Variants in RAVER2 observed in about 807,000 individuals in gnomAD.
RAVER2 encodes the protein ribonucleoprotein, PTB binding 2.
RAVER2 carries 46 observed loss-of-function variants against 78.1 expected under a neutral mutation model. The observed-to-expected ratio is 0.59, with a 90% confidence interval of 0.46 to 0.75. The LOEUF is 0.75. Among genes scored for constraint, RAVER2 ranks in the 30% least tolerant of loss-of-function variants. The pLI is 0.00. For synonymous variants in RAVER2, 311 were observed against 313.3 expected, an observed-to-expected ratio of 0.99 and a Z score of 0.08; for missense variants, 793 against 837.5, an observed-to-expected ratio of 0.95 and a Z score of 0.66.
intron 1 of RAVER2, among the ~76,000 whole-genome samples, chr1:64,765,624 G>A (rs896400549): frequency 6.6e-6 from 1 of 152,198 alleles, no homozygotes; most frequent in African/African-American, 2.4e-5. Context: ...GGAGGAAGGT[G>A]GAGGAATGGG....
chr1:64,829,779 G>A (rs1461690775), intron 11 of RAVER2, among the ~76,000 whole-genome samples: 1 of 152,182 alleles, frequency 6.6e-6, no homozygotes, highest in Non-Finnish European at 1.5e-5. Flanking sequence ...GCTTCACTCT[G>A]TGAAACATTC....
chr1:64,789,002 C>T (rs1030837598), intron 4 of RAVER2, among the ~76,000 whole-genome samples: 1 of 152,094 alleles, frequency 6.6e-6, no homozygotes, highest in African/African-American at 2.4e-5. Context: ...AGGCACTTTG[C>T]CTGGCCAATT....
Position 64,763,917 on chromosome 1 carries a change from T to TACACACACACACACACACAC in RAVER2, c.250-4720_250-4701dup, listed in dbSNP as rs58298918. 7.9e-4 allele frequency among the ~76,000 whole-genome samples: 106 copies of TACACACACACACACACACAC among 133,812 alleles called. 1 individual carries two copies. The East Asian group carries it at 9.1e-3, about 12-fold the overall frequency. 87.8% of individuals were successfully genotyped at this position (133,812 alleles called of 152,430 possible). On this transcript the variant is annotated intron_variant, in intron 1 of 11. Coordinates refer to ENST00000294428, the Ensembl canonical transcript of RAVER2. ...AAACTCCATCTCAAAAAAACAAAAA[T>TACACACACACACACACACAC]ACACACACACACACACACACACACA... is the stretch of plus-strand genomic sequence containing the variant.
At chr1:64,815,242 A>C (rs1330432817) in intron 11 of RAVER2, 1 of 152,414 alleles carries the variant, frequency 6.6e-6, no homozygotes, top group African/African-American at 2.4e-5. Context: ...AATATTTACT[A>C]TCTGGTTCTT....
intron 11 of RAVER2, among the ~76,000 whole-genome samples, chr1:64,827,429 A>C (rs758230315): frequency 1.3e-5 from 2 of 152,102 alleles, no homozygotes; most frequent in Non-Finnish European, 2.9e-5. Flanking sequence ...GAAGTATTAG[A>C]CTTGGATTGT....
intron 1 of RAVER2, among the ~76,000 whole-genome samples, chr1:64,749,102 A>G (rs915976077): frequency 1.3e-5 from 2 of 152,102 alleles, no homozygotes; most frequent in African/African-American, 4.8e-5. Flanking sequence ...TGCCTCCCAA[A>G]GTGCTGGGAC....
rs566854660 is a variant in RAVER2, at chr1:64,769,794, T to C, written c.316+1072T>C. Among the ~76,000 whole-genome samples the C allele has an allele frequency of 3.3e-5, 5 of 152,190 alleles. No individual in the cohort carries two copies. In the South Asian group the frequency reaches 1.0e-3, roughly 32 times the overall value. On this transcript the variant is annotated intron_variant, in intron 2 of 11. Transcript: ENST00000294428. ...GCATGAATCAGAAGAAAGCCTTTTGTTTTGTTATGCCATTGAGATTGTGCA... is the reference window on the plus strand; with the variant it reads ...GCATGAATCAGAAGAAAGCCTTTTGCTTTGTTATGCCATTGAGATTGTGCA...
chr1:64,766,653 CA>C (rs1570536858), intron 1 of RAVER2, among the ~76,000 whole-genome samples: 2 of 152,112 alleles, frequency 1.3e-5, no homozygotes, highest in African/African-American at 4.8e-5. Context: ...AGTAACATAA[CA>C]TGTCATTTGT....
At chr1:64,795,882 G>A (rs1449779296) in intron 5 of RAVER2, among the ~76,000 whole-genome samples, 1 of 151,912 alleles carries the variant, frequency 6.6e-6, no homozygotes, top group African/African-American at 2.4e-5. Context: ...TGATCTCATG[G>A]AGAAAGTATT....
chr1:64,761,026 T>A (rs890207856), intron 1 of RAVER2, among the ~76,000 whole-genome samples: 1 of 152,218 alleles, frequency 6.6e-6, no homozygotes, highest in Non-Finnish European at 1.5e-5. Flanking sequence ...AAAATCTGGA[T>A]GATAAAATCC....
chr1:64,804,690 T>A (rs771030389), intron 6 of RAVER2, 44 bp from the exon 7 acceptor site: 6 of 984,182 alleles, frequency 6.1e-6, no homozygotes, highest in Non-Finnish European at 9.5e-6. Context: ...ATACAACATG[T>A]AGCTTTTCAA....
intron 4 of RAVER2, among the ~76,000 whole-genome samples, chr1:64,787,277 A>G (rs1451709570): frequency 6.6e-6 from 1 of 152,126 alleles, no homozygotes; most frequent in Non-Finnish European, 1.5e-5. Flanking sequence ...TTTTGAATGT[A>G]TGAATATACA....
intron 11 of RAVER2, 187 bp downstream of exon 11, chr1:64,815,027 G>A (rs1354470573): frequency 2.3e-6 from 1 of 429,392 alleles, no homozygotes; most frequent in Admixed American, 4.7e-5. Context: ...GTATCATTTT[G>A]CACTAGATAT....
At chr1:64,800,580 T>G (rs991309967) in intron 5 of RAVER2, among the ~76,000 whole-genome samples, 1 of 152,208 alleles carries the variant, frequency 6.6e-6, no homozygotes, top group African/African-American at 2.4e-5. Context: ...AGTAATATTT[T>G]CCCTAATTTT....
chr1:64,797,304 G>A (rs1653121727), intron 5 of RAVER2, among the ~76,000 whole-genome samples: 1 of 152,166 alleles, frequency 6.6e-6, no homozygotes, highest in Admixed American at 6.5e-5. Flanking sequence ...TGAGGAGAAG[G>A]ATGGGGCATA....
intron 11 of RAVER2, among the ~76,000 whole-genome samples, chr1:64,821,255 T>G (rs189591409): frequency 7.2e-5 from 11 of 152,336 alleles, no homozygotes; most frequent in Admixed American, 3.9e-4. Context: ...AATGGGGTTG[T>G]TTTTTTCTTG....
intron 5 of RAVER2, 47 bp downstream of exon 5, chr1:64,789,561 A>G (rs750008378): frequency 7.4e-7 from 1 of 1,351,106 alleles, no homozygotes; most frequent in Non-Finnish European, 9.6e-7. Context: ...TGCTAGCATG[A>G]AGTTAATTTT....
At chr1:64,777,803 G>C (rs1049901272) in exon 3 of RAVER2, 1 of 1,614,084 alleles carries the variant, frequency 6.2e-7, no homozygotes, top group South Asian at 1.1e-5. Context: ...CGTGCTTATG[G>C]AAATATTGAG....
chr1:64,809,355 A>G (rs1041977587), intron 9 of RAVER2, among the ~76,000 whole-genome samples: 7 of 152,124 alleles, frequency 4.6e-5, no homozygotes, highest in African/African-American at 1.7e-4. Context: ...AGTGTTTTCT[A>G]ATTGTGAGAT....
Sources: gnomAD v4.1 joint callset for allele counts (sites outside exome capture counted in the v4.1 genomes callset) on GRCh38, gnomAD v4.1.1 for gene constraint, MANE v1.5 for transcripts, NCBI Gene and HGNC (gene_info 2026-07-23, HGNC 2026-07-21) for gene names.